The following SEC14L6 variants were observed in gnomAD, a reference collection of about 807,000 sequenced individuals.
The protein encoded by SEC14L6 is SEC14-like protein 6.
SEC14L6 carries 40 observed loss-of-function variants against 54.1 expected under a neutral mutation model. The ratio of observed to expected loss-of-function variants is 0.74; its 90% CI spans 0.57 to 0.96. SEC14L6 has a LOEUF of 0.96. Among genes scored for constraint, SEC14L6 ranks in the 40% least tolerant of loss-of-function variants. SEC14L6 has a pLI of 0.00. For missense variants in SEC14L6, 471 were observed against 498.3 expected, an observed-to-expected ratio of 0.95 and a Z score of 0.52; for synonymous variants, 171 against 198.4, an observed-to-expected ratio of 0.86 and a Z score of 1.16.
chr22:30,527,042 GA>G (rs1466110552), intron 8 of SEC14L6, among the ~76,000 whole-genome samples: 1 of 152,024 alleles, frequency 6.6e-6, no homozygotes, highest in African/African-American at 2.4e-5. Context: ...AGGCTAGAGT[GA>G]GCTATGATCA....
rs573872457 is a variant in SEC14L6 at position 30,544,036 on chromosome 22, G to A, written c.54+2593C>T. 3.8e-5 allele frequency: 59 copies of A among 1,557,574 alleles called. No individual in the cohort carries two copies. The East Asian group carries it at 1.1e-3, about 29-fold the overall frequency. ...CCCCAAGCAGCTGGCCCCCAAGCCC[G>A]AGCTGTCCTTCTCAGAGTATGCCAG... On this transcript the variant is annotated intron_variant, in intron 1 of 11. Coordinates refer to ENST00000402034, the MANE Select transcript of SEC14L6 (RefSeq NM_001193336.4).
chr22:30,528,422 C>CCTTTTTTTTTTTTTTTTTTTTTTTTTTT (rs773969166), intron 8 of SEC14L6, among the ~76,000 whole-genome samples: 1 of 105,536 alleles, frequency 9.5e-6, no homozygotes, highest in African/African-American at 4.0e-5. Context: ...CGCTCGGCCT[C>CCTTTTTTTTTTTTTTTTTTTTTTTTTTT]TTTTTTTTTT....
intron 1 of SEC14L6, among the ~76,000 whole-genome samples, chr22:30,540,488 G>A (rs887030577): frequency 6.6e-6 from 1 of 151,404 alleles, no homozygotes; most frequent in African/African-American, 2.4e-5. Flanking sequence ...AGCCGAGGCA[G>A]GTGGATTGCT....
At chr22:30,528,949 G>A (rs1936871616) in intron 8 of SEC14L6, 138 bp downstream of exon 8, 1 of 708,844 alleles carries the variant, frequency 1.4e-6, no homozygotes, top group Non-Finnish European at 2.4e-6. Flanking sequence ...AGCCCACCTG[G>A]CAGCCCACCA....
At chr22:30,537,676 TTC>T (rs1216412853) in intron 2 of SEC14L6, among the ~76,000 whole-genome samples, 2 of 152,198 alleles carry the variant, frequency 1.3e-5, no homozygotes, top group Non-Finnish European at 2.9e-5. Flanking sequence ...GTTAATGAAG[TTC>T]TCTCTGTTTT....
chr22:30,527,676 C>A (rs1486656008), intron 8 of SEC14L6, among the ~76,000 whole-genome samples: 1 of 137,450 alleles, frequency 7.3e-6, no homozygotes, highest in African/African-American at 2.8e-5. Flanking sequence ...GATCATGTCA[C>A]TGTACTCCAG....
At chr22:30,534,400 T>A (rs1937078761) in intron 2 of SEC14L6, among the ~76,000 whole-genome samples, 1 of 143,264 alleles carries the variant, frequency 7.0e-6, no homozygotes, top group Admixed American at 7.1e-5. Flanking sequence ...CTCTTTAATT[T>A]TTACTTAAAA....
rs1162616936 is a variant in SEC14L6, at chr22:30,532,648, G to A, written c.300C>T (p.Tyr100=). ...TGGGGTCCAGGCTTCCCACAATGTG[G>A]TACCAGACAGGGCTGCCCTCACCGT... ...GHDGEGSPVW[Y]HIVGSLDPKG... The change falls in exon 5 of 12, where the codon TAC becomes TAT. Residue 100 remains tyrosine (Y), a synonymous_variant. Transcript: ENST00000402034. 1.9e-6 allele frequency: 3 copies of A among 1,550,864 alleles called. No homozygotes were observed. Among genetic ancestry groups the A allele is most frequent in the South Asian group, 1.2e-5 (1 of 84,102 alleles).
At chr22:30,544,117 A>G (rs1240438294) in intron 1 of SEC14L6, 5 of 1,348,908 alleles carry the variant, frequency 3.7e-6, no homozygotes, top group East Asian at 2.3e-5. Flanking sequence ...ACCCATCTCC[A>G]TGCTCTTCCT....
intron 8 of SEC14L6, 52 bp downstream of exon 8, chr22:30,529,035 A>AC (rs1936874622): frequency 7.0e-7 from 1 of 1,428,834 alleles, no homozygotes; most frequent in African/African-American, 1.4e-5. Context: ...GAGAAGGACC[A>AC]CCCTCAGCTC....
chr22:30,525,680 G>A lies in SEC14L6; in HGVS notation c.842C>T (p.Thr281Met), dbSNP rs747969784. Residue 281 changes from threonine (T) to methionine (M), a missense_variant, in exon 10 of 12, where the codon ACG (threonine) becomes ATG (methionine). Thr to Met is a moderately conservative substitution (Grantham distance 81, BLOSUM62 -1). Transcript: ENST00000402034. ...CKQVRLQYEH[T>M]RSVGRGSSLQ... ...GGAGGAGCCGCGGCCCACGGACCTC[G>A]TGTGCTCATACTGCAGCCTCACCTG... 33 of 1,613,144 alleles carry A rather than the reference G, an allele frequency of 2.0e-5. No homozygotes were observed. Among genetic ancestry groups the A allele is most frequent in the Non-Finnish European group, 2.6e-5 (31 of 1,179,798 alleles).
At position 30,529,126 on chromosome 22, in the gene SEC14L6, T is replaced by G; in HGVS notation, c.625A>C (p.Met209Leu). 1 of 1,550,978 alleles carries G rather than the reference T, an allele frequency of 6.4e-7. No individual in the cohort carries two copies. Among genetic ancestry groups the G allele is most frequent in the Non-Finnish European group, 8.7e-7 (1 of 1,147,164 alleles). The change falls in exon 8 of 12, where the codon ATG becomes CTG. Residue 209 changes from methionine (M) to leucine (L), a missense_variant. By Grantham distance (15) the Met-to-Leu change is conservative. Coordinates refer to ENST00000402034, the MANE Select transcript of SEC14L6 (RefSeq NM_001193336.4). ...ACCTTCCTGCGTGTCTCTTCACTCA[T>G]GTAAGACTTGACCAGGTTGAAGGCT... ...AVAFNLVKSY[M>L]SEETRRKVVI...
At chr22:30,530,780 C>T (rs1209240707) in intron 6 of SEC14L6, among the ~76,000 whole-genome samples, 1 of 152,234 alleles carries the variant, frequency 6.6e-6, no homozygotes, top group Non-Finnish European at 1.5e-5. Context: ...GCTGGCTGCC[C>T]TGCGGCCCAG....
intron 5 of SEC14L6, chr22:30,532,287 A>C (rs768640699): frequency 5.1e-6 from 5 of 985,108 alleles, no homozygotes; most frequent in Non-Finnish European, 6.0e-6. Flanking sequence ...TGCAGAGGGC[A>C]GTGTGGCCCA....
At chr22:30,533,876 C>A in intron 3 of SEC14L6, 120 bp downstream of exon 3, 1 of 973,044 alleles carries the variant, frequency 1.0e-6, no homozygotes. Flanking sequence ...ACCTTCCAGT[C>A]TCAATGAATG....
intron 1 of SEC14L6, chr22:30,542,816 A>G: frequency 6.3e-7 from 1 of 1,595,402 alleles, no homozygotes; most frequent in Non-Finnish European, 8.6e-7. Context: ...ATCTACCATC[A>G]AAAAGAAGGC....
In SEC14L6 at chr22:30,525,064, C is replaced by T. The variant is rs1312629497; in HGVS notation, c.1127G>A (p.Arg376His). Residue 376 changes from arginine to histidine, a missense_variant, in exon 12 of 12, where the codon CGC becomes CAC. Physicochemically the swap from Arg to His is conservative, Grantham distance 29. Transcript: ENST00000402034. ...YNTYSLVHSK[R>H]ISYTVEVLLP... ...CAGTACCTCCACGGTGTAGCTGATG[C>T]GTTTAGAATGAACCAGGCTGTAGGT... The T allele has an allele frequency of 3.2e-5, 50 of 1,549,874 alleles. No homozygotes were observed. Among genetic ancestry groups the T allele is most frequent in the Non-Finnish European group, 3.2e-5 (37 of 1,146,474 alleles).
intron 2 of SEC14L6, among the ~76,000 whole-genome samples, chr22:30,535,012 T>G (rs1433415801): frequency 1.4e-5 from 2 of 146,884 alleles, no homozygotes; most frequent in Non-Finnish European, 3.0e-5. Context: ...CTAGGCAACA[T>G]AGTGAGACTC....
chr22:30,525,282 G>T (rs1232132427), intron 11 of SEC14L6, 68 bp downstream of exon 11: 1 of 1,544,360 alleles, frequency 6.5e-7, no homozygotes. Flanking sequence ...GGTAGGACCT[G>T]GATGCACATT....
Sources: gnomAD v4.1 joint callset for allele counts (sites outside exome capture counted in the v4.1 genomes callset) on GRCh38, gnomAD v4.1.1 for gene constraint, MANE v1.5 for transcripts, NCBI Gene and HGNC (gene_info 2026-07-23, HGNC 2026-07-21) for gene names.